The following PPP2R5E variants were observed in gnomAD, a reference collection of about 807,000 sequenced individuals.
PPP2R5E encodes the protein serine/threonine-protein phosphatase 2A 56 kDa regulatory subunit epsilon isoform.
In PPP2R5E, 4 loss-of-function variants were observed where a neutral mutation model predicts 65.3. The ratio of observed to expected loss-of-function variants is 0.06; its 90% confidence interval spans 0.03 to 0.14. The LOEUF (loss-of-function observed/expected upper bound fraction) is 0.14. PPP2R5E is among the 10% of genes least tolerant of loss of function. The pLI is 1.00. For missense variants in PPP2R5E, 274 were observed against 556.1 expected (o/e 0.49, Z 5.10); for synonymous variants, 183 against 187.4 (o/e 0.98, Z 0.19).
At chr14:63,485,196 TA>T (rs200719135) in intron 2 of PPP2R5E, among the ~76,000 whole-genome samples, 8,845 of 126,372 alleles carry the variant, frequency 0.07, 567 homozygotes, top group African/African-American at 0.19. Context: ...TATACTCATT[TA>T]AAAAAAAAAA....
intron 2 of PPP2R5E, among the ~76,000 whole-genome samples, chr14:63,532,062 T>C (rs947713880): frequency 5.3e-5 from 8 of 152,196 alleles, no homozygotes; most frequent in African/African-American, 1.7e-4. Flanking sequence ...AGATATCCCT[T>C]TGAGAATCTG....
intron 5 of PPP2R5E, among the ~76,000 whole-genome samples, chr14:63,412,768 C>T (rs1886465644): frequency 6.6e-6 from 1 of 152,148 alleles, no homozygotes; most frequent in Non-Finnish European, 1.5e-5. Context: ...GAGGGGTAGC[C>T]AAAGCCCCAT....
At chr14:63,514,336 GAGTCTTT>G (rs1892577921) in intron 2 of PPP2R5E, among the ~76,000 whole-genome samples, 1 of 152,126 alleles carries the variant, frequency 6.6e-6, no homozygotes, top group Non-Finnish European at 1.5e-5. Flanking sequence ...CTTATGCCCA[GAGTCTTT>G]CAAAGCATTT....
In PPP2R5E at chr14:63,440,948, C is replaced by CAAAAAAAAAAAA. The variant is rs374563795; in HGVS notation, c.354+12729_354+12740dup. 6.8e-4 allele frequency among the ~76,000 whole-genome samples: 46 copies of CAAAAAAAAAAAA among 67,608 alleles called. 1 individual carries two copies. The highest frequency in any genetic ancestry group is 9.5e-4 in the African/African-American group (18 of 18,906). The allele number at this position is 67,608 out of a possible 152,430, so 44.4% of individuals were successfully genotyped here. ...TGGGCAACAGAGCGAGACTCCATCT[C>CAAAAAAAAAAAA]AAAAAAAAAAAAAAAAAAAGAGTAT... On this transcript the variant is annotated intron_variant, in intron 3 of 13. Transcript: ENST00000337537.
rs148708427 is a variant in PPP2R5E at position 63,451,901 on chromosome 14, T to C, written c.354+1788A>G. The C allele has an allele frequency of 1.4e-3, 216 of 152,216 alleles. 1 individual carries two copies. Among genetic ancestry groups the C allele is most frequent in the African/African-American group, 4.9e-3 (205 of 41,526 alleles). 9.4% of individuals were successfully genotyped at this position (152,216 alleles called of 1,614,324 possible). A position where few individuals can be genotyped will look rare whatever the true frequency, so the allele number is the denominator to read the frequency against. On this transcript the variant is annotated intron_variant, in intron 3 of 13. Coordinates refer to ENST00000337537, the MANE Select transcript of PPP2R5E (RefSeq NM_006246.5). The stretch of plus-strand genomic sequence containing the variant: ...AAACTGCTCTTAAAAAATTAAATTT[T>C]TAAAAATAAATAAGTATACAGATGT...
intron 2 of PPP2R5E, among the ~76,000 whole-genome samples, chr14:63,487,164 T>C (rs1891038929): frequency 6.6e-6 from 1 of 152,200 alleles, no homozygotes; most frequent in African/African-American, 2.4e-5. Flanking sequence ...TCTGAGAAAG[T>C]TATTTGTCGA....
At chr14:63,450,151 C>T (rs1431701085) in intron 3 of PPP2R5E, among the ~76,000 whole-genome samples, 1 of 152,224 alleles carries the variant, frequency 6.6e-6, no homozygotes, top group Non-Finnish European at 1.5e-5. Context: ...GCTAGGATTA[C>T]AGGCGTGAGC....
At chr14:63,399,728 T>A (rs2139813320) in intron 5 of PPP2R5E, among the ~76,000 whole-genome samples, 1 of 152,322 alleles carries the variant, frequency 6.6e-6, no homozygotes, top group South Asian at 2.1e-4. Flanking sequence ...GTTTGAATGT[T>A]ACTGAGTTGT....
chr14:63,433,239 T>C (rs994507732), intron 3 of PPP2R5E, among the ~76,000 whole-genome samples: 1 of 152,038 alleles, frequency 6.6e-6, no homozygotes, highest in Non-Finnish European at 1.5e-5. Context: ...GATTTCACCA[T>C]GTTGCTCAGG....
intron 2 of PPP2R5E, among the ~76,000 whole-genome samples, chr14:63,468,304 C>A (rs1889941380): frequency 6.6e-6 from 1 of 152,064 alleles, no homozygotes; most frequent in Non-Finnish European, 1.5e-5. Flanking sequence ...ACATATAGAT[C>A]TCCCCTCCCT....
rs1888983523 is a variant in PPP2R5E, at chr14:63,453,829, C to T, written c.214G>A (p.Val72Ile). Residue 72 changes from valine (V) to isoleucine (I), a missense_variant, in exon 3 of 14, where the codon GTC (valine) becomes ATC (isoleucine). Around this residue, in one of 6 missense-constraint regions of PPP2R5E, gnomAD observed 51 missense variants for 101.1 expected, o/e 0.50. Coordinates refer to ENST00000337537, the MANE Select transcript of PPP2R5E (RefSeq NM_006246.5). ...AGCGTGTCCATGAAGTCAAAAATGA[C>T]ACAGCACTGCTGAAGTTTCTTTAGG... ...LFLKKLQQCC[V>I]IFDFMDTLSD... is the part of the protein sequence containing the mutation. 1.3e-6 allele frequency: 2 copies of T among 1,597,482 alleles called. No homozygotes were observed. Among genetic ancestry groups the T allele is most frequent in the Middle Eastern group, 1.7e-4 (1 of 5,962 alleles).
intron 2 of PPP2R5E, among the ~76,000 whole-genome samples, chr14:63,459,930 G>A (rs1353757122): frequency 6.6e-6 from 1 of 152,168 alleles, no homozygotes; most frequent in Non-Finnish European, 1.5e-5. Flanking sequence ...CTTGGCCTTG[G>A]CTATAATAGG....
At chr14:63,383,651 C>T (rs1002688590) in intron 12 of PPP2R5E, among the ~76,000 whole-genome samples, 1 of 152,096 alleles carries the variant, frequency 6.6e-6, no homozygotes, top group African/African-American at 2.4e-5. Flanking sequence ...TAAAGATAAA[C>T]ATATTATGAA....
chr14:63,391,825 G>T lies in PPP2R5E; in HGVS notation c.946C>A (p.Gln316Lys). The part of the protein sequence containing the change: ...LMKFWPKTCS[Q>K]KEVMFLGELE... ...TGACAGTAAGCACTTACCTCTTTTTGACTACATGTTTTAGGCCAAAATTTC... is the reference window on the plus strand; with the variant it reads ...TGACAGTAAGCACTTACCTCTTTTTTACTACATGTTTTAGGCCAAAATTTC... Residue 316 changes from glutamine (Q) to lysine (K), a missense_variant, in exon 10 of 14, where the codon CAA becomes AAA. Physicochemically the swap from Gln to Lys is moderately conservative, Grantham distance 53 (BLOSUM62 1). Coordinates refer to ENST00000337537, the MANE Select transcript of PPP2R5E (RefSeq NM_006246.5). The T allele has an allele frequency of 6.2e-7, 1 of 1,612,870 alleles. No individual in the cohort carries two copies.
At position 63,374,636 on chromosome 14, in the gene PPP2R5E, T is replaced by TAG. The variant is rs1305824670; in HGVS notation, c.*1372_*1373insCT. 11 of 42,184 alleles carry TAG rather than the reference T, an allele frequency of 2.6e-4. No individual in the cohort carries two copies. Among genetic ancestry groups the TAG allele is most frequent in the South Asian group, 1.4e-3 (2 of 1,462 alleles). 2.6% of individuals were successfully genotyped at this position (42,184 alleles called of 1,614,324 possible). ...AATACAAAGCAGAGAGCCAATAAGA[T>TAG]ATATATATATATATATATATATATA... On this transcript the variant is annotated 3_prime_UTR_variant, in exon 14 of 14. Transcript: ENST00000337537.
chr14:63,389,488 T>C, intron 11 of PPP2R5E, 124 bp downstream of exon 11: 3 of 1,150,804 alleles, frequency 2.6e-6, no homozygotes, highest in Non-Finnish European at 2.4e-6. Flanking sequence ...ATTAAAATTA[T>C]CATCATGTGA....
At chr14:63,498,759 C>T (rs550339489) in intron 2 of PPP2R5E, among the ~76,000 whole-genome samples, 1 of 152,210 alleles carries the variant, frequency 6.6e-6, no homozygotes, top group South Asian at 2.1e-4. Context: ...TCCCTATATA[C>T]ATCTGAAAAC....
chr14:63,395,288 G>A lies in PPP2R5E; in HGVS notation c.681-3C>T, dbSNP rs777087408. 1 of 1,595,008 alleles carries A rather than the reference G, an allele frequency of 6.3e-7. No homozygotes were observed. The highest frequency in any genetic ancestry group is 1.7e-5 in the Admixed American group (1 of 59,716). ...AGTGTTCTGTTTCATAAACAAACCTGAGAGAAGAGGAGAAAAGGGAGGAGA... is the reference window on the plus strand; with the variant it reads ...AGTGTTCTGTTTCATAAACAAACCTAAGAGAAGAGGAGAAAAGGGAGGAGA... On this transcript the variant is annotated splice_region_variant and splice_polypyrimidine_tract_variant and intron_variant, in intron 6 of 13. Transcript: ENST00000337537.
chr14:63,489,517 C>T (rs975290883), intron 2 of PPP2R5E, among the ~76,000 whole-genome samples: 1 of 151,738 alleles, frequency 6.6e-6, no homozygotes, highest in South Asian at 2.1e-4. Flanking sequence ...TCAAGTGATC[C>T]TCCCACCTCA....
Sources: gnomAD v4.1 joint callset for allele counts (sites outside exome capture counted in the v4.1 genomes callset) on GRCh38, gnomAD v4.1.1 for gene constraint, gnomAD v4.1.1 regional missense constraint, MANE v1.5 for transcripts, NCBI Gene and HGNC (gene_info 2026-07-23, HGNC 2026-07-21) for gene names.